Variants in TBX5 observed in about 807,000 individuals in gnomAD.
TBX5 encodes T-box transcription factor 5.
In TBX5, 8 loss-of-function variants were observed where a neutral mutation model predicts 51.1. The ratio of observed to expected loss-of-function variants is 0.16; its 90% CI spans 0.09 to 0.28. TBX5 has a LOEUF of 0.28. TBX5 is among the 10% of genes least tolerant of loss of function. The probability of loss-of-function intolerance (pLI) is 1.00; values close to 1 mark genes in which losing one functional copy is unlikely to be tolerated. For synonymous variants in TBX5, 302 were observed against 266.4 expected, an observed-to-expected ratio of 1.13 and a Z score of -1.30; for missense variants, 589 against 671.7, an observed-to-expected ratio of 0.88 and a Z score of 1.36.
chr12:114,403,977 A>G (rs986686897), intron 1 of TBX5, 41 bp from the exon 2 acceptor site: 1 of 1,567,430 alleles, frequency 6.4e-7, no homozygotes, highest in Non-Finnish European at 8.6e-7. Flanking sequence ...TGGGGAGGAC[A>G]GAGAGAGAAC....
At chr12:114,364,496 C>A (rs1271777175) in intron 8 of TBX5, among the ~76,000 whole-genome samples, 3 of 152,192 alleles carry the variant, frequency 2.0e-5, no homozygotes, top group Non-Finnish European at 2.9e-5. Flanking sequence ...GGTTAAGCAA[C>A]TTGTCACTAC....
intron 8 of TBX5, among the ~76,000 whole-genome samples, chr12:114,358,348 G>T (rs1869032590): frequency 6.6e-6 from 1 of 152,208 alleles, no homozygotes; most frequent in African/African-American, 2.4e-5. Context: ...CTCTGTGACT[G>T]AGAGGTGGTC....
At chr12:114,379,364 T>C (rs1245293073) in intron 7 of TBX5, among the ~76,000 whole-genome samples, 3 of 152,158 alleles carry the variant, frequency 2.0e-5, no homozygotes, top group Non-Finnish European at 4.4e-5. Flanking sequence ...ACTTTGATGG[T>C]CTGGGAGCTC....
At chr12:114,367,271 G>GAAAGAAAAGAAAAGAA (rs1593848319) in intron 7 of TBX5, among the ~76,000 whole-genome samples, 1 of 33,688 alleles carries the variant, frequency 3.0e-5, no homozygotes, top group African/African-American at 1.2e-4. Context: ...GAAAAGAAAA[G>GAAAGAAAAGAAAAGAA]AAAAAATCAG....
Position 114,379,653 on chromosome 12 carries a change from G to T in TBX5, c.755+5823C>A, listed in dbSNP as rs561395911. Among the ~76,000 whole-genome samples, 5 of 152,272 alleles carry T rather than the reference G, an allele frequency of 3.3e-5. No homozygotes were observed. The East Asian group carries it at 9.7e-4, about 29-fold the overall frequency. On this transcript the variant is annotated intron_variant, in intron 7 of 8. Coordinates refer to ENST00000405440, the MANE Select transcript of TBX5 (RefSeq NM_181486.4). ...TAATGACTTCCTTTTTACAGATGAG[G>T]AAACAGACACTCCTCGGTCGAGTAG...
intron 8 of TBX5, among the ~76,000 whole-genome samples, chr12:114,356,898 A>G (rs1229226672): frequency 6.6e-6 from 1 of 152,216 alleles, no homozygotes; most frequent in Admixed American, 6.5e-5. Flanking sequence ...GATAAACAGT[A>G]GAGCCAGGAT....
At chr12:114,382,977 CA>C (rs34867756) in intron 7 of TBX5, among the ~76,000 whole-genome samples, 36,746 of 92,888 alleles carry the variant, frequency 0.4, 4,782 homozygotes, top group Admixed American at 0.48. Context: ...ACCCTGTCTC[CA>C]AAAAAAAAAA....
intron 8 of TBX5, among the ~76,000 whole-genome samples, chr12:114,360,424 A>G: frequency 7.3e-6 from 1 of 136,842 alleles, no homozygotes; most frequent in African/African-American, 2.8e-5. Flanking sequence ...GAGTGGGAGG[A>G]TTGGTGGATG....
chr12:114,376,368 T>C (rs1309412430), intron 7 of TBX5, among the ~76,000 whole-genome samples: 1 of 152,140 alleles, frequency 6.6e-6, no homozygotes, highest in Admixed American at 6.5e-5. Flanking sequence ...CTGGAGGACA[T>C]TGTTAAGTGA....
chr12:114,401,698 C>G, intron 3 of TBX5, 128 bp downstream of exon 3: 2 of 822,468 alleles, frequency 2.4e-6, no homozygotes, highest in Admixed American at 2.0e-5. Context: ...CCTCTCCTTT[C>G]TCTTCTTTCT....
rs780584178 is a variant in TBX5, at chr12:114,403,806, C to A, written c.93G>T (p.Ala31=). 1.5e-5 allele frequency: 25 copies of A among 1,614,064 alleles called. No homozygotes were observed. In the East Asian group the frequency reaches 4.2e-4, roughly 27 times the overall value. Residue 31 remains alanine (A), a synonymous_variant, in exon 2 of 9, where the codon GCG becomes GCT. Transcript: ENST00000405440. ...ACGGGGACTTGCTGGGGGCCCCGAG[C>A]GCGCTCTCGGGTTTCGAATCGCAGG... is the stretch of plus-strand genomic sequence containing the variant. The part of the protein sequence containing the change: ...DLPCDSKPES[A]LGAPSKSPSS...
chr12:114,371,180 T>C (rs189485440), intron 7 of TBX5, among the ~76,000 whole-genome samples: 1 of 152,296 alleles, frequency 6.6e-6, no homozygotes, highest in East Asian at 1.9e-4. Flanking sequence ...GCAGAAACTT[T>C]AGTTTGCAAC....
chr12:114,372,311 T>G (rs1869954195), intron 7 of TBX5, among the ~76,000 whole-genome samples: 1 of 152,068 alleles, frequency 6.6e-6, no homozygotes, highest in Non-Finnish European at 1.5e-5. Flanking sequence ...TCGGTTTTTT[T>G]CTTTTGTTTT....
intron 5 of TBX5, 91 bp downstream of exon 5, chr12:114,398,482 C>T: frequency 3.9e-6 from 6 of 1,535,956 alleles, no homozygotes; most frequent in Non-Finnish European, 4.4e-6. Flanking sequence ...AATGTAGGCA[C>T]ACAGAGCCAA....
At chr12:114,388,437 G>A (rs539805976) in intron 6 of TBX5, among the ~76,000 whole-genome samples, 7 of 152,142 alleles carry the variant, frequency 4.6e-5, no homozygotes, top group South Asian at 2.1e-4. Context: ...GATTACAGGC[G>A]TGAGCCACCA....
At chr12:114,400,899 G>A (rs989208388) in intron 3 of TBX5, among the ~76,000 whole-genome samples, 4 of 152,190 alleles carry the variant, frequency 2.6e-5, no homozygotes, top group Non-Finnish European at 4.4e-5. Flanking sequence ...GAGAACGGGG[G>A]CGGGGGGCGT....
At chr12:114,383,338 G>A (rs547551360) in intron 7 of TBX5, among the ~76,000 whole-genome samples, 2 of 152,296 alleles carry the variant, frequency 1.3e-5, no homozygotes, top group Middle Eastern at 6.8e-3. Context: ...CGAAATGTGT[G>A]TTCGAAGGGC....
chr12:114,393,426 C>T (rs1871263219), intron 6 of TBX5, among the ~76,000 whole-genome samples: 1 of 152,240 alleles, frequency 6.6e-6, no homozygotes, highest in Admixed American at 6.5e-5. Context: ...GCAGGGGCCC[C>T]TCCCCCAGCA....
upstream of TBX5, among the ~76,000 whole-genome samples, chr12:114,406,489 C>T (rs1206575386): frequency 6.6e-6 from 1 of 152,136 alleles, no homozygotes; most frequent in Non-Finnish European, 1.5e-5. Context: ...CGCGGGCCTC[C>T]GCAGCCTTGC....
Sources: allele counts gnomAD v4.1 joint callset (sites outside exome capture counted in the v4.1 genomes callset), GRCh38; gene constraint gnomAD v4.1.1; transcripts MANE v1.5; gene names NCBI Gene and HGNC (gene_info 2026-07-23, HGNC 2026-07-21).